RCBTB2: variants seen among roughly 807,000 people sequenced by gnomAD.
RCBTB2 encodes RCC1 and BTB domain-containing protein 2.
A neutral mutation model predicts 65.4 loss-of-function variants in RCBTB2; 55 were observed. The ratio of observed to expected loss-of-function variants is 0.84; its 90% confidence interval spans 0.68 to 1.05. RCBTB2 has a LOEUF of 1.05. RCBTB2 is among the 50% of genes least tolerant of loss of function. The pLI, the probability that RCBTB2 is intolerant of heterozygous loss-of-function variation, is 0.00. For missense variants in RCBTB2, 599 were observed against 680.1 expected, an observed-to-expected ratio of 0.88 and a Z score of 1.33; for synonymous variants, 220 against 255.2, an observed-to-expected ratio of 0.86 and a Z score of 1.31.
intron 10 of RCBTB2, 49 bp downstream of exon 10, chr13:48,510,580 T>A (rs1950726612): frequency 6.3e-7 from 1 of 1,591,838 alleles, no homozygotes; most frequent in Non-Finnish European, 8.6e-7. Context: ...TCCTGTTTAA[T>A]CACAATCACC....
At chr13:48,530,862 C>T (rs141051527) in intron 1 of RCBTB2, among the ~76,000 whole-genome samples, 32 of 152,246 alleles carry the variant, frequency 2.1e-4, no homozygotes, top group Admixed American at 1.3e-3. Flanking sequence ...AAAATGGTGA[C>T]GTTTATCACA....
At chr13:48,511,712 G>T in intron 9 of RCBTB2, 58 bp downstream of exon 9, 2 of 1,409,318 alleles carry the variant, frequency 1.4e-6, no homozygotes, top group Non-Finnish European at 2.0e-6. Context: ...TTAATACATT[G>T]ATATCTTTGC....
chr13:48,528,400 T>G (rs901353397), intron 1 of RCBTB2, among the ~76,000 whole-genome samples: 1 of 152,196 alleles, frequency 6.6e-6, no homozygotes, highest in Non-Finnish European at 1.5e-5. Flanking sequence ...CACACTGATA[T>G]TTTTAGAATT....
intron 10 of RCBTB2, among the ~76,000 whole-genome samples, chr13:48,505,689 G>A (rs1341491618): frequency 2.0e-5 from 3 of 152,120 alleles, no homozygotes; most frequent in African/African-American, 4.8e-5. Context: ...CAGGACACGC[G>A]GATCAGAGTC....
At chr13:48,529,832 C>T (rs1406270843) in intron 1 of RCBTB2, among the ~76,000 whole-genome samples, 1 of 152,166 alleles carries the variant, frequency 6.6e-6, no homozygotes, top group Non-Finnish European at 1.5e-5. Context: ...CACTCTGTAA[C>T]CCCAATAATT....
At chr13:48,508,781 T>A (rs1950632449) in intron 10 of RCBTB2, among the ~76,000 whole-genome samples, 1 of 152,208 alleles carries the variant, frequency 6.6e-6, no homozygotes. Flanking sequence ...ACTCCCAATG[T>A]CCAGTTAAGC....
intron 14 of RCBTB2, among the ~76,000 whole-genome samples, chr13:48,493,307 A>ACTCTCTCTCTCT (rs1483026433): frequency 5.5e-4 from 35 of 63,156 alleles, no homozygotes; most frequent in Non-Finnish European, 8.4e-4. Context: ...ACACACACAC[A>ACTCTCTCTCTCT]CACACACACT....
chr13:48,524,111 GCTTT>G lies in RCBTB2; in HGVS notation c.-120+544_-120+547del, dbSNP rs556129438. 4.4e-3 allele frequency among the ~76,000 whole-genome samples: 660 copies of G among 151,654 alleles called. 3 individuals are homozygous for G. Among genetic ancestry groups the G allele is most frequent in the African/African-American group, 0.015 (625 of 41,386 alleles). ...TTTTTAGCATTGTGGGAGATGGTTG[GCTTT>G]TTTTTTTACATTATTTCAATGTGAT... On this transcript the variant is annotated intron_variant, in intron 2 of 14. Transcript: ENST00000344532.
At chr13:48,500,572 G>A (rs565409404) in intron 12 of RCBTB2, among the ~76,000 whole-genome samples, 1 of 152,154 alleles carries the variant, frequency 6.6e-6, no homozygotes, top group South Asian at 2.1e-4. Context: ...AAAAAATAAG[G>A]TGGGGGGAAA....
At position 48,512,314 on chromosome 13, in the gene RCBTB2, G is replaced by T. The variant is rs572020585; in HGVS notation, c.517-140C>A. On this transcript the variant is annotated intron_variant, in intron 7 of 14. Transcript: ENST00000344532. Reference sequence around the variant, plus strand: ...AAATCCTCACAACACAGGCAGAGAAGTGTTTATAAAATGCATTCTTATACA... The same window carrying T: ...AAATCCTCACAACACAGGCAGAGAATTGTTTATAAAATGCATTCTTATACA... 1.0e-5 allele frequency: 7 copies of T among 696,648 alleles called. No individual in the cohort carries two copies. In the African/African-American group the frequency reaches 1.3e-4, roughly 13 times the overall value. 43.2% of individuals were successfully genotyped at this position (696,648 alleles called of 1,614,324 possible).
intron 1 of RCBTB2, among the ~76,000 whole-genome samples, chr13:48,525,889 G>A (rs989273155): frequency 5.9e-5 from 9 of 152,118 alleles, no homozygotes; most frequent in Non-Finnish European, 1.2e-4. Context: ...GCAGAAGACA[G>A]TACTATTTTA....
At chr13:48,520,894 A>G (rs749343265) in intron 4 of RCBTB2, among the ~76,000 whole-genome samples, 20 of 151,214 alleles carry the variant, frequency 1.3e-4, no homozygotes, top group African/African-American at 4.4e-4. Context: ...TCCTAGCATT[A>G]TAACACTTCA....
intron 4 of RCBTB2, among the ~76,000 whole-genome samples, chr13:48,521,636 T>C (rs1160645036): frequency 2.6e-5 from 4 of 151,994 alleles, no homozygotes; most frequent in African/African-American, 9.7e-5. Context: ...ATGCAGGGGA[T>C]GGCCTTTGCG....
intron 14 of RCBTB2, among the ~76,000 whole-genome samples, chr13:48,491,098 T>C: frequency 6.6e-6 from 1 of 152,170 alleles, no homozygotes. Flanking sequence ...GGTCAATTTT[T>C]AAAAGTTTCC....
chr13:48,521,033 T>C (rs1951396847), intron 4 of RCBTB2, among the ~76,000 whole-genome samples: 2 of 152,200 alleles, frequency 1.3e-5, no homozygotes, highest in African/African-American at 2.4e-5. Context: ...AGTAATAATA[T>C]AGTAATTTCA....
chr13:48,526,654 C>T (rs1053152404), intron 1 of RCBTB2, among the ~76,000 whole-genome samples: 18 of 152,070 alleles, frequency 1.2e-4, no homozygotes, highest in Admixed American at 3.3e-4. Flanking sequence ...GTGGCTCATG[C>T]CTGTAATCTC....
intron 13 of RCBTB2, 86 bp downstream of exon 13, chr13:48,499,535 A>T (rs1429095652): frequency 1.5e-6 from 2 of 1,353,442 alleles, no homozygotes; most frequent in Admixed American, 2.0e-5. Context: ...AATTACCCTC[A>T]CAGTGACTTT....
At position 48,512,151 on chromosome 13, in the gene RCBTB2, G is replaced by A; in HGVS notation, c.540C>T (p.Asn180=). Residue 180 remains asparagine (N), a synonymous_variant, in exon 8 of 15, where the codon AAC becomes AAT. Transcript: ENST00000344532. ...DGEVFAWGYN[N]SGQVGSGSTV... ...TTGATCCAGATCCTACCTGCCCAGA[G>A]TTATTATAACCCCAGGCAAATACCT... is the stretch of plus-strand genomic sequence containing the variant. 3 of 1,614,016 alleles carry A rather than the reference G, an allele frequency of 1.9e-6. No individual in the cohort carries two copies.
chr13:48,489,145 T>C lies in RCBTB2; in HGVS notation c.*966A>G, dbSNP rs999813102. 1.3e-5 allele frequency: 2 copies of C among 152,242 alleles called. No homozygotes were observed. Among genetic ancestry groups the C allele is most frequent in the African/African-American group, 4.8e-5 (2 of 41,472 alleles). 9.4% of individuals were successfully genotyped at this position (152,242 alleles called of 1,614,324 possible). A position where few individuals can be genotyped will look rare whatever the true frequency, so the allele number is the denominator to read the frequency against. On this transcript the variant is annotated 3_prime_UTR_variant, in exon 15 of 15. Transcript: ENST00000344532. ...AGGTAATTTGTTTTGATCTAAAAAG[T>C]ACAAATTTATCTCATTCTTGTTAAT...
Sources: allele counts gnomAD v4.1 joint callset (sites outside exome capture counted in the v4.1 genomes callset), GRCh38; gene constraint gnomAD v4.1.1; transcripts MANE v1.5; gene names NCBI Gene and HGNC (gene_info 2026-07-23, HGNC 2026-07-21).